The following PTPRG variants were observed in gnomAD, a reference collection of about 807,000 sequenced individuals.
PTPRG encodes receptor-type tyrosine-protein phosphatase gamma.
In PTPRG, 102 loss-of-function variants were observed where a neutral mutation model predicts 165.3. The ratio of observed to expected loss-of-function variants is 0.62; its 90% confidence interval spans 0.53 to 0.73. The LOEUF is 0.73. Among genes scored for constraint, PTPRG ranks in the 30% least tolerant of loss-of-function variants. The pLI, the probability that PTPRG is intolerant of heterozygous loss-of-function variation, is 0.00. For synonymous variants in PTPRG, 675 were observed against 669.5 expected, an observed-to-expected ratio of 1.01 and a Z score of -0.13; for missense variants, 1,866 against 1,861.4, an observed-to-expected ratio of 1.00 and a Z score of -0.05.
intron 6 of PTPRG, among the ~76,000 whole-genome samples, chr3:62,154,799 C>T (rs1704474007): frequency 1.3e-5 from 2 of 152,278 alleles, no homozygotes; most frequent in South Asian, 4.1e-4. Context: ...GATCCTAAGG[C>T]AGGTTGGTGT....
chr3:61,959,431 A>G (rs1360655981), intron 2 of PTPRG, among the ~76,000 whole-genome samples: 1 of 152,182 alleles, frequency 6.6e-6, no homozygotes, highest in Non-Finnish European at 1.5e-5. Context: ...ACCTCAGATC[A>G]TCAGGCACGT....
At chr3:61,776,127 T>G (rs1296057574) in intron 2 of PTPRG, among the ~76,000 whole-genome samples, 1 of 151,958 alleles carries the variant, frequency 6.6e-6, no homozygotes, top group East Asian at 1.9e-4. Flanking sequence ...TATAAGTCAT[T>G]GCATTGGTCA....
At chr3:62,202,014 T>C (rs1700106460) in intron 11 of PTPRG, among the ~76,000 whole-genome samples, 1 of 152,160 alleles carries the variant, frequency 6.6e-6, no homozygotes, top group African/African-American at 2.4e-5. Flanking sequence ...ATAATAATAA[T>C]AGCCTAAAAT....
chr3:62,193,826 C>T (rs542497031), intron 9 of PTPRG, among the ~76,000 whole-genome samples: 8 of 152,356 alleles, frequency 5.3e-5, no homozygotes, highest in African/African-American at 1.9e-4. Context: ...GCTAAGCTCA[C>T]AGAGCTGCTT....
chr3:61,576,971 C>G (rs1324480231), intron 1 of PTPRG, among the ~76,000 whole-genome samples: 1 of 152,148 alleles, frequency 6.6e-6, no homozygotes, highest in Non-Finnish European at 1.5e-5. Context: ...CGAAGTGACA[C>G]CTTTCTGAAT....
At chr3:61,969,335 A>G (rs6809293) in intron 2 of PTPRG, among the ~76,000 whole-genome samples, 36,655 of 152,082 alleles carry the variant, frequency 0.24, 5,048 homozygotes, top group African/African-American at 0.37. Context: ...GGAACCTTGA[A>G]TGAATATTTG....
chr3:62,149,296 C>G (rs1704238636), intron 6 of PTPRG, among the ~76,000 whole-genome samples: 2 of 139,852 alleles, frequency 1.4e-5, no homozygotes, highest in African/African-American at 5.2e-5. Flanking sequence ...TCCCTCAAGG[C>G]AAGAGTCTCA....
intron 5 of PTPRG, among the ~76,000 whole-genome samples, chr3:62,090,493 G>A (rs1701892113): frequency 6.6e-6 from 1 of 152,124 alleles, no homozygotes; most frequent in South Asian, 2.1e-4. Flanking sequence ...CTCCCCCGCT[G>A]CCCTTTTTAA....
intron 13 of PTPRG, among the ~76,000 whole-genome samples, chr3:62,223,377 G>A (rs527728452): frequency 3.9e-5 from 6 of 152,200 alleles, no homozygotes; most frequent in African/African-American, 1.4e-4. Flanking sequence ...CATCTCTAAG[G>A]TGTGAATTTG....
chr3:61,975,923 C>G (rs954972), intron 2 of PTPRG, among the ~76,000 whole-genome samples: 15,807 of 152,160 alleles, frequency 0.1, 902 homozygotes, highest in Middle Eastern at 0.14. Flanking sequence ...TTGTATACCC[C>G]TATTTATTTG....
chr3:61,833,998 A>AG (rs1224140392), intron 2 of PTPRG, among the ~76,000 whole-genome samples: 4 of 152,236 alleles, frequency 2.6e-5, no homozygotes, highest in Admixed American at 6.5e-5. Flanking sequence ...GTCACAGCAC[A>AG]GTAACTTAAA....
chr3:62,221,462 T>C (rs912532668), intron 13 of PTPRG, among the ~76,000 whole-genome samples: 2 of 152,222 alleles, frequency 1.3e-5, no homozygotes, highest in African/African-American at 2.4e-5. Flanking sequence ...GGACCTTTTT[T>C]CTGTCCAACT....
chr3:61,661,281 G>C (rs1178261557), intron 1 of PTPRG, among the ~76,000 whole-genome samples: 1 of 151,272 alleles, frequency 6.6e-6, no homozygotes, highest in African/African-American at 2.4e-5. Flanking sequence ...ACAAATTGCT[G>C]AGATTACTCT....
In PTPRG at chr3:62,277,644, C is replaced by G; in HGVS notation, c.3730C>G (p.Gln1244Glu). The change falls in exon 26 of 30, where the codon CAG (glutamine) becomes GAG (glutamate). Residue 1244 changes from glutamine (Q) to glutamate (E), a missense_variant. Gln to Glu is a conservative substitution (Grantham distance 29, BLOSUM62 2). Transcript: ENST00000474889. ...FWRMIWDHNAQIIVMLPDNQS... is the reference protein window; with the variant it reads ...FWRMIWDHNAEIIVMLPDNQS... Reference sequence around the variant, plus strand: ...GCGAATGATTTGGGATCATAACGCACAGATCATTGTCATGCTGCCAGACAA... The same window carrying G: ...GCGAATGATTTGGGATCATAACGCAGAGATCATTGTCATGCTGCCAGACAA... 1 of 1,612,758 alleles carries G rather than the reference C, an allele frequency of 6.2e-7. No homozygotes were observed. Among genetic ancestry groups the G allele is most frequent in the Non-Finnish European group, 8.5e-7 (1 of 1,179,316 alleles).
At chr3:61,700,944 A>T (rs550859158) in intron 1 of PTPRG, among the ~76,000 whole-genome samples, 4 of 152,164 alleles carry the variant, frequency 2.6e-5, no homozygotes, top group Non-Finnish European at 5.9e-5. Flanking sequence ...CTTTGCCCCT[A>T]TCCGGGTCAA....
At chr3:61,583,514 T>C (rs1322558424) in intron 1 of PTPRG, among the ~76,000 whole-genome samples, 1 of 152,202 alleles carries the variant, frequency 6.6e-6, no homozygotes, top group Non-Finnish European at 1.5e-5. Context: ...TTGTTTTTAT[T>C]GTACTGCTAT....
chr3:61,562,502 C>G (rs997210503), intron 1 of PTPRG, 130 bp downstream of exon 1: 3 of 690,978 alleles, frequency 4.3e-6, no homozygotes, highest in Non-Finnish European at 4.9e-6. Context: ...GCCCGGCGCC[C>G]GGATAGGAGA....
rs114838371 is a variant in PTPRG at position 61,815,389 on chromosome 3, C to T, written c.190+66407C>T. 3.3e-3 allele frequency among the ~76,000 whole-genome samples: 502 copies of T among 152,006 alleles called. 1 individual carries two copies. The highest frequency in any genetic ancestry group is 0.012 in the African/African-American group (479 of 41,450). Reference sequence around the variant, plus strand: ...TCACACTCCAGACTGGGCAACAGAACGAGACCGTCTCAAAAATTAAAATTA... The same window carrying T: ...TCACACTCCAGACTGGGCAACAGAATGAGACCGTCTCAAAAATTAAAATTA... On this transcript the variant is annotated intron_variant, in intron 2 of 29. Transcript: ENST00000474889.
chr3:61,618,985 A>T (rs1701378203), intron 1 of PTPRG, among the ~76,000 whole-genome samples: 1 of 150,868 alleles, frequency 6.6e-6, no homozygotes, highest in African/African-American at 2.4e-5. Flanking sequence ...CAAAAAAAAA[A>T]AAAAAAAAAA....
Sources: allele counts gnomAD v4.1 joint callset (sites outside exome capture counted in the v4.1 genomes callset), GRCh38; gene constraint gnomAD v4.1.1; transcripts MANE v1.5; gene names NCBI Gene and HGNC (gene_info 2026-07-23, HGNC 2026-07-21).